JMJD1C: variants seen among roughly 807,000 people sequenced by gnomAD.
The protein encoded by JMJD1C is jumonji domain-containing protein 1C.
A neutral mutation model predicts 245.3 loss-of-function variants in JMJD1C; 31 were observed. The ratio of observed to expected loss-of-function variants is 0.13; its 90% confidence interval spans 0.09 to 0.17. The LOEUF is 0.17. JMJD1C is among the 10% of genes least tolerant of loss of function. JMJD1C has a pLI of 1.00. For missense variants in JMJD1C, 2,691 were observed against 3,000.2 expected (o/e 0.90, Z 2.41); for synonymous variants, 1,057 against 1,017.4 (o/e 1.04, Z -0.74).
At chr10:63,359,263 AC>A (rs1945124243) in intron 2 of JMJD1C, among the ~76,000 whole-genome samples, 1 of 152,234 alleles carries the variant, frequency 6.6e-6, no homozygotes, top group Non-Finnish European at 1.5e-5. Flanking sequence ...CACCATTTCT[AC>A]ATTCACAACT....
chr10:63,430,500 T>C (rs1472546107), intron 1 of JMJD1C, among the ~76,000 whole-genome samples: 4 of 152,168 alleles, frequency 2.6e-5, no homozygotes, highest in Non-Finnish European at 5.9e-5. Flanking sequence ...GGGCACAGAT[T>C]ATATGATTTC....
intron 2 of JMJD1C, among the ~76,000 whole-genome samples, chr10:63,355,899 C>A (rs1944801021): frequency 6.6e-6 from 1 of 152,028 alleles, no homozygotes; most frequent in Non-Finnish European, 1.5e-5. Flanking sequence ...CCAAAGAAAC[C>A]ACAATCGAGC....
intron 2 of JMJD1C, among the ~76,000 whole-genome samples, chr10:63,355,112 G>A (rs1188000110): frequency 6.6e-6 from 1 of 151,920 alleles, no homozygotes; most frequent in African/African-American, 2.4e-5. Flanking sequence ...AAAAGCAAGT[G>A]ATTCTCTAAT....
rs1035572809 is a variant in JMJD1C at position 63,204,975 on chromosome 10, A to G, written c.5074+1620T>C. On this transcript the variant is annotated intron_variant, in intron 10 of 25. Coordinates refer to ENST00000399262, the MANE Select transcript of JMJD1C (RefSeq NM_032776.3). ...TTGTCACAGATATTTCATATATTGTATGTGGATGAACACACGGACATAGTG... is the reference window on the plus strand; with the variant it reads ...TTGTCACAGATATTTCATATATTGTGTGTGGATGAACACACGGACATAGTG... The G allele has an allele frequency of 1.1e-5, 11 of 985,130 alleles. No homozygotes were observed. In the African/African-American group the frequency reaches 1.9e-4, roughly 17 times the overall value. The allele number at this position is 985,130 out of a possible 1,614,324, so 61.0% of individuals were successfully genotyped here.
chr10:63,479,081 C>G (rs1953750406), intron 1 of JMJD1C, among the ~76,000 whole-genome samples: 3 of 152,126 alleles, frequency 2.0e-5, no homozygotes, highest in African/African-American at 7.2e-5. Context: ...TGAATTATAT[C>G]ACTGACCCAA....
chr10:63,387,429 A>G (rs1031148195), intron 1 of JMJD1C, among the ~76,000 whole-genome samples: 2 of 151,994 alleles, frequency 1.3e-5, no homozygotes, highest in African/African-American at 4.8e-5. Flanking sequence ...AAGAAAAGAA[A>G]AACAATTCAG....
At chr10:63,283,907 G>A (rs968552563) in intron 2 of JMJD1C, among the ~76,000 whole-genome samples, 3 of 151,962 alleles carry the variant, frequency 2.0e-5, no homozygotes, top group Non-Finnish European at 4.4e-5. Flanking sequence ...AATAAGAAAA[G>A]CAAAATGCTA....
chr10:63,247,839 TAAAACAAAACAAAAC>T (rs143095650), intron 3 of JMJD1C, among the ~76,000 whole-genome samples: 5 of 150,612 alleles, frequency 3.3e-5, no homozygotes, highest in Non-Finnish European at 7.4e-5. Context: ...CTCAAATGCA[TAAAACAAAACAAAAC>T]AAAACAAAAC....
intron 3 of JMJD1C, among the ~76,000 whole-genome samples, chr10:63,261,239 A>C (rs1208488841): frequency 1.3e-5 from 2 of 152,140 alleles, no homozygotes; most frequent in Non-Finnish European, 2.9e-5. Context: ...TAAAAACTAT[A>C]ATATATAATG....
At chr10:63,463,493 C>G (rs1043292741) in intron 1 of JMJD1C, among the ~76,000 whole-genome samples, 1 of 152,158 alleles carries the variant, frequency 6.6e-6, no homozygotes, top group Non-Finnish European at 1.5e-5. Context: ...AAAATCTACT[C>G]TGCAGTAATC....
chr10:63,219,871 T>C lies in JMJD1C; in HGVS notation c.553+7A>G. 6.2e-7 allele frequency: 1 copy of C among 1,605,494 alleles called. No individual in the cohort carries two copies. Among genetic ancestry groups the C allele is most frequent in the Non-Finnish European group, 8.5e-7 (1 of 1,172,874 alleles). On this transcript the variant is annotated splice_region_variant and intron_variant, in intron 4 of 25. Transcript: ENST00000399262. ...AAAAATTTAATGCATAACTTCAAAA[T>C]AGTTACCTTGCATAAAAATCTCCTG...
At chr10:63,169,316 T>G (rs1240196586) in intron 24 of JMJD1C, among the ~76,000 whole-genome samples, 1 of 152,202 alleles carries the variant, frequency 6.6e-6, no homozygotes, top group African/African-American at 2.4e-5. Context: ...CTGCTTTCTA[T>G]TAATGCCAGT....
chr10:63,249,684 C>A (rs1852774110), intron 3 of JMJD1C, among the ~76,000 whole-genome samples: 1 of 151,928 alleles, frequency 6.6e-6, no homozygotes, highest in Non-Finnish European at 1.5e-5. Context: ...TAAGGTGAAA[C>A]CCCGTCTCTA....
rs749418791 is a variant in JMJD1C at position 63,214,447 on chromosome 10, G to C, written c.1720C>G (p.Leu574Val). 5 of 1,613,802 alleles carry C rather than the reference G, an allele frequency of 3.1e-6. No homozygotes were observed. Among genetic ancestry groups the C allele is most frequent in the Admixed American group, 3.3e-5 (2 of 60,024 alleles). The change falls in exon 8 of 26, where the codon CTA becomes GTA. Residue 574 changes from leucine (L) to valine (V), a missense_variant. Transcript: ENST00000399262. ...GCATTTGTAACACTTGATTGGGTTA[G>C]ATCCACTTTAACTACATCACTGACC... is the stretch of plus-strand genomic sequence containing the variant. The part of the protein sequence containing the change: ...SWVSDVVKVD[L>V]TQSSVTNASS...
chr10:63,337,584 AAAAG>A (rs1215061763), intron 2 of JMJD1C, among the ~76,000 whole-genome samples: 2,307 of 100,922 alleles, frequency 0.023, 138 homozygotes, highest in Middle Eastern at 0.071. Context: ...AAAAGAAAAG[AAAAG>A]AAAAGAAAAG....
In JMJD1C at chr10:63,240,536, C is replaced by T. The variant is rs930292187; in HGVS notation, c.448-20553G>A. ...CAGTTTTGTGAAGTGGAGGAAGAAACCAGGCTGCAATAACTGAAGATATTA... is the reference window on the plus strand; with the variant it reads ...CAGTTTTGTGAAGTGGAGGAAGAAATCAGGCTGCAATAACTGAAGATATTA... On this transcript the variant is annotated intron_variant, in intron 3 of 25. Coordinates refer to ENST00000399262, the MANE Select transcript of JMJD1C (RefSeq NM_032776.3). Among the ~76,000 whole-genome samples the T allele has an allele frequency of 4.6e-5, 7 of 152,158 alleles. No individual in the cohort carries two copies. In the South Asian group the frequency reaches 8.3e-4, roughly 18 times the overall value.
At chr10:63,243,683 G>C (rs1282875009) in intron 3 of JMJD1C, among the ~76,000 whole-genome samples, 3 of 152,036 alleles carry the variant, frequency 2.0e-5, no homozygotes, top group African/African-American at 7.2e-5. Flanking sequence ...CAGACTTCCA[G>C]TTCCAAAATG....
chr10:63,298,861 T>C (rs1859744327), intron 2 of JMJD1C, among the ~76,000 whole-genome samples: 1 of 151,942 alleles, frequency 6.6e-6, no homozygotes, highest in Non-Finnish European at 1.5e-5. Flanking sequence ...GCCTCCCGAA[T>C]AGCTGAGAAT....
chr10:63,305,335 T>C (rs1937894699), intron 2 of JMJD1C, among the ~76,000 whole-genome samples: 2 of 138,852 alleles, frequency 1.4e-5, no homozygotes. Flanking sequence ...ACCACTGCAC[T>C]CCAGCCTGGC....
Sources: gnomAD v4.1 joint callset for allele counts (sites outside exome capture counted in the v4.1 genomes callset) on GRCh38, gnomAD v4.1.1 for gene constraint, MANE v1.5 for transcripts, NCBI Gene and HGNC (gene_info 2026-07-23, HGNC 2026-07-21) for gene names.